The following NEK11 variants were observed in gnomAD, a reference collection of about 807,000 sequenced individuals.
NEK11 encodes the protein serine/threonine-protein kinase Nek11.
A neutral mutation model predicts 80.7 loss-of-function variants in NEK11; 72 were observed. The observed-to-expected ratio is 0.89, with a 90% CI of 0.74 to 1.08. The LOEUF is 1.08. NEK11 is among the 50% of genes least tolerant of loss of function. The probability of loss-of-function intolerance (pLI) is 0.00; values close to 1 mark genes in which losing one functional copy is unlikely to be tolerated. For synonymous variants in NEK11, 251 were observed against 260.7 expected (o/e 0.96, Z 0.36); for missense variants, 764 against 763.6 (o/e 1.00, Z -0.01).
At chr3:131,260,261 T>C (rs1367771751) in intron 16 of NEK11, among the ~76,000 whole-genome samples, 1 of 152,146 alleles carries the variant, frequency 6.6e-6, no homozygotes, top group African/African-American at 2.4e-5. Context: ...GTTAGAGCAC[T>C]CATTTGGGAG....
Position 131,203,761 on chromosome 3 carries a change from GTGTGTGTATA to G in NEK11, c.1400-24765_1400-24756del, listed in dbSNP as rs1560948517. Among the ~76,000 whole-genome samples, 37 of 33,900 alleles carry G rather than the reference GTGTGTGTATA, an allele frequency of 1.1e-3. 1 individual carries two copies. The highest frequency in any genetic ancestry group is 3.8e-3 in the African/African-American group (36 of 9,456). 22.2% of individuals were successfully genotyped at this position (33,900 alleles called of 152,430 possible). A position where few individuals can be genotyped will look rare whatever the true frequency, so the allele number is the denominator to read the frequency against. ...TGTATATATATATGTGTGTGTGTGT[GTGTGTGTATA>G]TATATATATATATATATATATATAT... On this transcript the variant is annotated intron_variant, in intron 14 of 17. Coordinates refer to ENST00000383366, the MANE Select transcript of NEK11 (RefSeq NM_024800.5).
chr3:131,090,691 A>G (rs925383809), intron 4 of NEK11, among the ~76,000 whole-genome samples: 1 of 152,182 alleles, frequency 6.6e-6, no homozygotes, highest in African/African-American at 2.4e-5. Flanking sequence ...GTCAAATCAT[A>G]ATTTGTTGTG....
chr3:131,131,656 T>A (rs904073588), intron 5 of NEK11, among the ~76,000 whole-genome samples: 4 of 152,148 alleles, frequency 2.6e-5, no homozygotes, highest in Non-Finnish European at 5.9e-5. Context: ...ATTGATCTTT[T>A]CAAAGAACCA....
intron 14 of NEK11, among the ~76,000 whole-genome samples, chr3:131,197,333 A>C (rs1160324206): frequency 6.6e-6 from 1 of 152,082 alleles, no homozygotes; most frequent in African/African-American, 2.4e-5. Flanking sequence ...CTTCGATGTC[A>C]TTAACATCGG....
chr3:131,202,697 C>A (rs969026845), intron 14 of NEK11, among the ~76,000 whole-genome samples: 7 of 152,124 alleles, frequency 4.6e-5, no homozygotes, highest in African/African-American at 1.4e-4. Context: ...GGGCTAATAT[C>A]CAGAATCTAC....
At chr3:131,336,683 C>G (rs1431350901) in intron 17 of NEK11, among the ~76,000 whole-genome samples, 1 of 152,162 alleles carries the variant, frequency 6.6e-6, no homozygotes, top group African/African-American at 2.4e-5. Flanking sequence ...GAACAGGCAA[C>G]CTACAAAATA....
rs116069734 is a variant in NEK11 at position 131,192,394 on chromosome 3, A to G, written c.1399+21507A>G. ...CAGTATGGTGATTCGTCAAAAAATTAAACATGGAATTACCATATTTTCCAG... is the reference window on the plus strand; with the variant it reads ...CAGTATGGTGATTCGTCAAAAAATTGAACATGGAATTACCATATTTTCCAG... On this transcript the variant is annotated intron_variant, in intron 14 of 17. Transcript: ENST00000383366. Among the ~76,000 whole-genome samples the G allele has an allele frequency of 9.5e-3, 1,449 of 152,288 alleles. 19 individuals carry two copies. Among genetic ancestry groups the G allele is most frequent in the African/African-American group, 0.031 (1,293 of 41,558 alleles).
chr3:131,281,365 CATATT>C (rs2096393027), intron 17 of NEK11, among the ~76,000 whole-genome samples: 1 of 152,130 alleles, frequency 6.6e-6, no homozygotes, highest in Non-Finnish European at 1.5e-5. Context: ...AAATTGGTAA[CATATT>C]ATATACATTT....
intron 5 of NEK11, among the ~76,000 whole-genome samples, chr3:131,113,635 G>A (rs766651138): frequency 2.6e-5 from 4 of 152,052 alleles, no homozygotes; most frequent in East Asian, 1.9e-4. Flanking sequence ...AAAGCAGGCC[G>A]GGCACAGTGG....
chr3:131,324,190 G>T (rs537242811), intron 17 of NEK11, among the ~76,000 whole-genome samples: 38 of 152,342 alleles, frequency 2.5e-4, no homozygotes, highest in African/African-American at 8.4e-4. Context: ...ATTACTAAGA[G>T]AATTTGGTTA....
chr3:131,120,600 C>G (rs750348801), intron 5 of NEK11, among the ~76,000 whole-genome samples: 19 of 152,172 alleles, frequency 1.2e-4, no homozygotes, highest in Admixed American at 1.0e-3. Flanking sequence ...TTCTCCCTGT[C>G]GCTTTCAGGT....
chr3:131,157,286 T>A (rs2090838204), intron 10 of NEK11, among the ~76,000 whole-genome samples: 1 of 152,194 alleles, frequency 6.6e-6, no homozygotes. Context: ...ATAATTTTCA[T>A]TAAAATTATC....
intron 17 of NEK11, among the ~76,000 whole-genome samples, chr3:131,283,820 C>T (rs367562785): frequency 5.3e-5 from 8 of 152,050 alleles, no homozygotes; most frequent in South Asian, 2.1e-4. Context: ...AAAGTTTGTA[C>T]GTAACAAAAG....
At chr3:131,110,454 A>G (rs1422058191) in intron 5 of NEK11, among the ~76,000 whole-genome samples, 1 of 152,170 alleles carries the variant, frequency 6.6e-6, no homozygotes, top group East Asian at 1.9e-4. Flanking sequence ...CTCATAATGA[A>G]GGTCAATTAT....
intron 5 of NEK11, among the ~76,000 whole-genome samples, chr3:131,129,539 T>C (rs1299431113): frequency 6.6e-6 from 1 of 152,224 alleles, no homozygotes; most frequent in Non-Finnish European, 1.5e-5. Context: ...CTTAAAATCA[T>C]CTAGATTTTA....
intron 17 of NEK11, among the ~76,000 whole-genome samples, chr3:131,287,440 A>G (rs2096487183): frequency 6.6e-6 from 1 of 151,928 alleles, no homozygotes; most frequent in Non-Finnish European, 1.5e-5. Flanking sequence ...CGCCTGGCTA[A>G]TTTTTACATT....
At chr3:131,147,601 C>G (rs2088646965) in intron 7 of NEK11, among the ~76,000 whole-genome samples, 1 of 151,944 alleles carries the variant, frequency 6.6e-6, no homozygotes, top group African/African-American at 2.4e-5. Context: ...TTAGAATCTG[C>G]TTTTCAGTTC....
intron 10 of NEK11, among the ~76,000 whole-genome samples, chr3:131,156,265 T>C (rs1039809005): frequency 6.6e-6 from 1 of 152,176 alleles, no homozygotes; most frequent in Non-Finnish European, 1.5e-5. Flanking sequence ...TTCCTGAAAA[T>C]TGCATGTCCT....
intron 16 of NEK11, among the ~76,000 whole-genome samples, chr3:131,251,085 A>G (rs1457818962): frequency 4.6e-5 from 7 of 151,862 alleles, no homozygotes; most frequent in Admixed American, 4.6e-4. Context: ...GGAAAGAAAG[A>G]ACAAAATTAA....
Sources: gnomAD v4.1 joint callset for allele counts (sites outside exome capture counted in the v4.1 genomes callset) on GRCh38, gnomAD v4.1.1 for gene constraint, MANE v1.5 for transcripts, NCBI Gene and HGNC (gene_info 2026-07-23, HGNC 2026-07-21) for gene names.